The following EPHA5 variants were observed in gnomAD, a reference collection of about 807,000 sequenced individuals.
The protein encoded by EPHA5 is EPH receptor A5, also known as ephrin type-A receptor 5.
In EPHA5, 60 loss-of-function variants were observed where a neutral mutation model predicts 105.0. The ratio of observed to expected loss-of-function variants is 0.57; its 90% CI spans 0.46 to 0.71. The LOEUF (loss-of-function observed/expected upper bound fraction) is 0.71, where lower values mean the gene tolerates loss of function less well. Ranked by LOEUF, EPHA5 falls within the 30% of genes least tolerant of loss-of-function variation. The probability of loss-of-function intolerance (pLI) is 0.00; values close to 1 mark genes in which losing one functional copy is unlikely to be tolerated. For synonymous variants in EPHA5, 513 were observed against 449.1 expected, an observed-to-expected ratio of 1.14 and a Z score of -1.80; for missense variants, 1,218 against 1,274.7, an observed-to-expected ratio of 0.96 and a Z score of 0.68.
intron 4 of EPHA5, among the ~76,000 whole-genome samples, chr4:65,494,251 GA>G (rs1357111634): frequency 2.0e-5 from 3 of 152,148 alleles, no homozygotes; most frequent in African/African-American, 7.2e-5. Flanking sequence ...CTGACACTAT[GA>G]AATTTAGACA....
chr4:65,459,559 T>C (rs1416776670), intron 5 of EPHA5, among the ~76,000 whole-genome samples: 2 of 151,832 alleles, frequency 1.3e-5, no homozygotes, highest in African/African-American at 2.4e-5. Flanking sequence ...TAACTTGACA[T>C]ACACAGATTT....
intron 3 of EPHA5, among the ~76,000 whole-genome samples, chr4:65,510,328 A>T (rs888958881): frequency 5.3e-5 from 8 of 151,938 alleles, no homozygotes; most frequent in African/African-American, 1.9e-4. Flanking sequence ...TACAGGCATG[A>T]GCCACTACGC....
intron 3 of EPHA5, among the ~76,000 whole-genome samples, chr4:65,500,846 C>G (rs767334658): frequency 2.0e-5 from 3 of 150,192 alleles, no homozygotes; most frequent in Non-Finnish European, 3.0e-5. Context: ...TATATGCATA[C>G]TATACATATA....
chr4:65,524,255 A>C (rs1735028015), intron 3 of EPHA5, among the ~76,000 whole-genome samples: 1 of 151,822 alleles, frequency 6.6e-6, no homozygotes, highest in Non-Finnish European at 1.5e-5. Context: ...AGGGAGAATA[A>C]GTCTATAGAC....
chr4:65,574,361 C>CAA, intron 3 of EPHA5: 6 of 839,304 alleles, frequency 7.1e-6, no homozygotes, highest in African/African-American at 2.0e-5. Context: ...TAGCTGACTA[C>CAA]AAAAAAAAAA....
chr4:65,484,450 G>C (rs1353245616), intron 5 of EPHA5, among the ~76,000 whole-genome samples: 2 of 152,164 alleles, frequency 1.3e-5, no homozygotes, highest in South Asian at 4.1e-4. Flanking sequence ...CTACCTTGGT[G>C]TTATTTCTGA....
intron 2 of EPHA5, among the ~76,000 whole-genome samples, chr4:65,619,675 A>G (rs1745541114): frequency 6.6e-6 from 1 of 152,084 alleles, no homozygotes; most frequent in Non-Finnish European, 1.5e-5. Context: ...TGACAGAATT[A>G]AACATTCAGC....
chr4:65,369,133 C>T (rs1577937127), intron 8 of EPHA5, among the ~76,000 whole-genome samples: 1 of 151,996 alleles, frequency 6.6e-6, no homozygotes, highest in East Asian at 1.9e-4. Context: ...TGACCTGGCA[C>T]CTGACTCAGA....
intron 3 of EPHA5, among the ~76,000 whole-genome samples, chr4:65,529,085 A>G (rs1735518973): frequency 6.6e-6 from 1 of 152,314 alleles, no homozygotes; most frequent in African/African-American, 2.4e-5. Context: ...AATTGGTTGC[A>G]TAGTGAATGT....
At chr4:65,479,978 C>G (rs955833774) in intron 5 of EPHA5, among the ~76,000 whole-genome samples, 34 of 151,698 alleles carry the variant, frequency 2.2e-4, no homozygotes, top group African/African-American at 7.7e-4. Context: ...ATATATAACC[C>G]AAGAGAGGGT....
chr4:65,602,338 T>A (rs1743819695), intron 2 of EPHA5, 34 bp from the exon 3 acceptor site: 2 of 1,456,224 alleles, frequency 1.4e-6, no homozygotes, highest in Non-Finnish European at 1.8e-6. Context: ...TAAAAAAAAT[T>A]CAAAAAATAG....
intron 3 of EPHA5, among the ~76,000 whole-genome samples, chr4:65,594,765 G>T (rs1252846140): frequency 6.6e-6 from 1 of 151,990 alleles, no homozygotes; most frequent in Non-Finnish European, 1.5e-5. Context: ...AAAAAAATGG[G>T]TTTTATACTT....
chr4:65,444,954 G>A (rs138354018), intron 5 of EPHA5, among the ~76,000 whole-genome samples: 3 of 151,596 alleles, frequency 2.0e-5, no homozygotes, highest in African/African-American at 7.3e-5. Flanking sequence ...TTTTTATTTT[G>A]TTTAAACAAT....
At chr4:65,646,531 C>T (rs966006367) in intron 1 of EPHA5, among the ~76,000 whole-genome samples, 4 of 152,130 alleles carry the variant, frequency 2.6e-5, no homozygotes, top group Non-Finnish European at 5.9e-5. Flanking sequence ...TGTGGTGAAA[C>T]ATCCTACAAT....
chr4:65,345,366 A>C (rs1037922192), intron 14 of EPHA5, among the ~76,000 whole-genome samples: 8 of 152,222 alleles, frequency 5.3e-5, no homozygotes, highest in African/African-American at 1.9e-4. Flanking sequence ...GTTTCGATCA[A>C]AGAAGAATGC....
intron 8 of EPHA5, among the ~76,000 whole-genome samples, chr4:65,375,292 T>A (rs1718883983): frequency 6.6e-6 from 1 of 151,914 alleles, no homozygotes; most frequent in African/African-American, 2.4e-5. Flanking sequence ...CTTTTTTATT[T>A]TTTTTTCACA....
Position 65,323,585 on chromosome 4 carries a change from G to A in EPHA5, c.*529C>T, listed in dbSNP as rs770527016. The A allele has an allele frequency of 1.3e-5, 3 of 230,072 alleles. No individual in the cohort carries two copies. Among genetic ancestry groups the A allele is most frequent in the Non-Finnish European group, 2.6e-5 (3 of 116,138 alleles). 14.3% of individuals were successfully genotyped at this position (230,072 alleles called of 1,614,324 possible). A position where few individuals can be genotyped will look rare whatever the true frequency, so the allele number is the denominator to read the frequency against. On this transcript the variant is annotated 3_prime_UTR_variant, in exon 17 of 17. Coordinates refer to ENST00000613740, the MANE Select transcript of EPHA5 (RefSeq NM_001281766.3). ...ACTAGTTTCTATAACTTAACGCTGT[G>A]TAACAGCATTTTAAAATTACAAAAG... is the stretch of plus-strand genomic sequence containing the variant.
At chr4:65,450,610 C>G (rs926800067) in intron 5 of EPHA5, among the ~76,000 whole-genome samples, 1 of 152,162 alleles carries the variant, frequency 6.6e-6, no homozygotes, top group African/African-American at 2.4e-5. Flanking sequence ...TTTTCTCCAT[C>G]TAATTATTAA....
At chr4:65,625,810 C>T (rs889122089) in intron 2 of EPHA5, among the ~76,000 whole-genome samples, 8 of 152,284 alleles carry the variant, frequency 5.3e-5, no homozygotes, top group Admixed American at 1.3e-4. Context: ...GTAATTTTAA[C>T]ATTTATTTAA....
Sources: allele counts gnomAD v4.1 joint callset (sites outside exome capture counted in the v4.1 genomes callset), GRCh38; gene constraint gnomAD v4.1.1; transcripts MANE v1.5; gene names NCBI Gene and HGNC (gene_info 2026-07-23, HGNC 2026-07-21).